Variants in MARCHF1 observed in about 807,000 individuals in gnomAD.
The protein encoded by MARCHF1 is membrane associated ring-CH-type finger 1.
MARCHF1 carries 40 observed loss-of-function variants against 54.2 expected under a neutral mutation model. The observed-to-expected ratio is 0.74, with a 90% CI of 0.57 to 0.96. MARCHF1 has a LOEUF of 0.96. Ranked by LOEUF, MARCHF1 falls within the 40% of genes least tolerant of loss-of-function variation. The probability of loss-of-function intolerance (pLI) is 0.00; values close to 1 mark genes in which losing one functional copy is unlikely to be tolerated. For synonymous variants in MARCHF1, 236 were observed against 236.3 expected, an observed-to-expected ratio of 1.00 and a Z score of 0.01; for missense variants, 586 against 656.5, an observed-to-expected ratio of 0.89 and a Z score of 1.17.
chr4:163,688,495 C>T (rs1744340759), intron 5 of MARCHF1, among the ~76,000 whole-genome samples: 1 of 151,994 alleles, frequency 6.6e-6, no homozygotes, highest in South Asian at 2.1e-4. Flanking sequence ...GGCTTATTGT[C>T]ATAGTTAGAA....
intron 5 of MARCHF1, among the ~76,000 whole-genome samples, chr4:163,680,966 T>C (rs911643275): frequency 2.0e-5 from 3 of 150,796 alleles, no homozygotes; most frequent in Non-Finnish European, 3.0e-5. Flanking sequence ...ATATATATTA[T>C]TGAGTACCTA....
chr4:164,181,174 C>A (rs555435116), intron 1 of MARCHF1, among the ~76,000 whole-genome samples: 2 of 152,238 alleles, frequency 1.3e-5, no homozygotes, highest in South Asian at 4.1e-4. Context: ...CACCAACCTT[C>A]TCCCTCCACA....
chr4:164,246,901 A>T (rs575167178), intron 1 of MARCHF1, among the ~76,000 whole-genome samples: 26 of 114,768 alleles, frequency 2.3e-4, no homozygotes, highest in African/African-American at 5.3e-4. Flanking sequence ...TCAAAACCAC[A>T]ATGAGATACC....
intron 1 of MARCHF1, among the ~76,000 whole-genome samples, chr4:164,363,766 C>CGTGTGTGTGTGTGT (rs113007142): frequency 0.078 from 11,712 of 150,114 alleles, 555 homozygotes; most frequent in Middle Eastern, 0.16. Context: ...ATTAATAAGC[C>CGTGTGTGTGTGTGT]GTGTGTGTGT....
Position 163,529,050 on chromosome 4 carries a change from T to G in MARCHF1, c.1340-4A>C. The G allele has an allele frequency of 6.3e-7, 1 of 1,589,640 alleles. No homozygotes were observed. The highest frequency in any genetic ancestry group is 1.8e-5 in the Admixed American group (1 of 56,696). ...CAAAATGGCCATTCAAGGACACCTT[T>G]GAAATGAAAAAGAGAAAATGTTATC... is the stretch of plus-strand genomic sequence containing the variant. On this transcript the variant is annotated splice_region_variant and splice_polypyrimidine_tract_variant and intron_variant, in intron 9 of 9. Coordinates refer to ENST00000514618, the MANE Select transcript of MARCHF1 (RefSeq NM_001394959.1).
intron 1 of MARCHF1, among the ~76,000 whole-genome samples, chr4:164,249,847 A>T (rs1579660149): frequency 6.6e-6 from 1 of 152,022 alleles, no homozygotes; most frequent in East Asian, 1.9e-4. Context: ...TGATTATTTG[A>T]TGATTAGATA....
At chr4:163,972,977 A>G (rs1304404399) in intron 3 of MARCHF1, among the ~76,000 whole-genome samples, 2 of 152,222 alleles carry the variant, frequency 1.3e-5, no homozygotes, top group African/African-American at 4.8e-5. Flanking sequence ...TAGCACTGAA[A>G]TTAATCAGTC....
chr4:163,690,711 A>G (rs564798649), intron 5 of MARCHF1, among the ~76,000 whole-genome samples: 55 of 152,218 alleles, frequency 3.6e-4, no homozygotes, highest in Non-Finnish European at 5.7e-4. Flanking sequence ...TCCTCTCCCT[A>G]TCACTGCCAG....
intron 8 of MARCHF1, among the ~76,000 whole-genome samples, chr4:163,551,684 C>A: frequency 6.6e-6 from 1 of 152,122 alleles, no homozygotes; most frequent in East Asian, 1.9e-4. Context: ...CCCATAATTC[C>A]CAAATGTTAT....
At chr4:164,007,885 A>G (rs1753331922) in intron 2 of MARCHF1, among the ~76,000 whole-genome samples, 1 of 152,188 alleles carries the variant, frequency 6.6e-6, no homozygotes, top group South Asian at 2.1e-4. Flanking sequence ...TTATCCATAA[A>G]GGAAGAGAGT....
intron 3 of MARCHF1, among the ~76,000 whole-genome samples, chr4:163,899,353 T>A (rs1212682422): frequency 6.6e-6 from 1 of 152,202 alleles, no homozygotes; most frequent in Non-Finnish European, 1.5e-5. Flanking sequence ...TGTTCATTTT[T>A]ACTTTATCAG....
At chr4:163,690,993 C>A (rs1382997909) in intron 5 of MARCHF1, among the ~76,000 whole-genome samples, 1 of 152,160 alleles carries the variant, frequency 6.6e-6, no homozygotes, top group Non-Finnish European at 1.5e-5. Flanking sequence ...TGATGATAAG[C>A]AGGGTCACTT....
chr4:164,143,429 C>T (rs1340939688), intron 1 of MARCHF1, among the ~76,000 whole-genome samples: 9 of 150,008 alleles, frequency 6.0e-5, no homozygotes, highest in East Asian at 2.0e-4. Flanking sequence ...AGAGAAAGGT[C>T]GGGTTACCCT....
At chr4:163,825,089 G>A (rs79816726) in intron 4 of MARCHF1, among the ~76,000 whole-genome samples, 2 of 151,914 alleles carry the variant, frequency 1.3e-5, no homozygotes, top group Admixed American at 6.6e-5. Flanking sequence ...CCAGTTTTTT[G>A]ATCCTCTCTC....
intron 4 of MARCHF1, among the ~76,000 whole-genome samples, chr4:163,800,778 C>G (rs1748060310): frequency 6.6e-6 from 1 of 152,062 alleles, no homozygotes; most frequent in Non-Finnish European, 1.5e-5. Context: ...AGAATCATTA[C>G]AAGAGGAAAA....
At chr4:163,696,302 C>A (rs1744631240) in intron 5 of MARCHF1, among the ~76,000 whole-genome samples, 1 of 152,090 alleles carries the variant, frequency 6.6e-6, no homozygotes, top group South Asian at 2.1e-4. Flanking sequence ...TATTATTTAT[C>A]CCATGTTTGG....
At chr4:163,562,480 C>T (rs17657242) in intron 8 of MARCHF1, among the ~76,000 whole-genome samples, 14,822 of 152,096 alleles carry the variant, frequency 0.097, 1,198 homozygotes, top group African/African-American at 0.21. Context: ...TCTATTGGTC[C>T]TTTGCACCTC....
At chr4:163,651,131 T>C (rs538407732) in intron 5 of MARCHF1, among the ~76,000 whole-genome samples, 4 of 152,058 alleles carry the variant, frequency 2.6e-5, no homozygotes, top group African/African-American at 9.6e-5. Flanking sequence ...ATGTTTTTGA[T>C]GAATAAATGG....
At chr4:164,145,043 C>T (rs553872276) in intron 1 of MARCHF1, among the ~76,000 whole-genome samples, 1 of 141,660 alleles carries the variant, frequency 7.1e-6, no homozygotes, top group African/African-American at 2.8e-5. Flanking sequence ...ACTACAAACA[C>T]CTCTACGCAA....
Sources: gnomAD v4.1 joint callset for allele counts (sites outside exome capture counted in the v4.1 genomes callset) on GRCh38, gnomAD v4.1.1 for gene constraint, MANE v1.5 for transcripts, NCBI Gene and HGNC (gene_info 2026-07-23, HGNC 2026-07-21) for gene names.